CTNND2: variants seen among roughly 807,000 people sequenced by gnomAD.
CTNND2 encodes the protein catenin delta-2.
Under a neutral mutation model 144.4 loss-of-function variants are expected in CTNND2, and 22 were observed. The observed-to-expected ratio is 0.15, with a 90% CI of 0.11 to 0.22. The LOEUF (loss-of-function observed/expected upper bound fraction) is 0.22, where lower values mean the gene tolerates loss of function less well. Among genes scored for constraint, CTNND2 ranks in the 10% least tolerant of loss-of-function variants. The pLI is 1.00. For missense variants in CTNND2, 1,353 were observed against 1,618.8 expected, an observed-to-expected ratio of 0.84 and a Z score of 2.82; for synonymous variants, 751 against 695.6, an observed-to-expected ratio of 1.08 and a Z score of -1.25.
chr5:11,811,775 G>A (rs1446901612), intron 1 of CTNND2, among the ~76,000 whole-genome samples: 1 of 152,120 alleles, frequency 6.6e-6, no homozygotes, highest in Non-Finnish European at 1.5e-5. Flanking sequence ...GCTTTATAAT[G>A]TCCAGCTTGG....
chr5:11,240,207 C>CA (rs1561074130), intron 9 of CTNND2, among the ~76,000 whole-genome samples: 2 of 112,632 alleles, frequency 1.8e-5, no homozygotes, highest in East Asian at 2.7e-4. Context: ...ACACACACAC[C>CA]CCCAACACAC....
chr5:11,672,458 C>T (rs1030676597), intron 2 of CTNND2, among the ~76,000 whole-genome samples: 3 of 152,166 alleles, frequency 2.0e-5, no homozygotes, highest in Non-Finnish European at 2.9e-5. Context: ...GGGCTGCTCA[C>T]TTTTTTTCAG....
rs192020548 is a variant in CTNND2 at position 11,696,322 on chromosome 5, T to C, written c.174+35814A>G. On this transcript the variant is annotated intron_variant, in intron 2 of 21. Coordinates refer to ENST00000304623, the MANE Select transcript of CTNND2 (RefSeq NM_001332.4). ...TTGAATTGTTTCCAACTATTTAAAATATGTGAAAAATCATTCTTAGCTCAT... is the reference window on the plus strand; with the variant it reads ...TTGAATTGTTTCCAACTATTTAAAACATGTGAAAAATCATTCTTAGCTCAT... Among the ~76,000 whole-genome samples, 36 of 152,326 alleles carry C rather than the reference T, an allele frequency of 2.4e-4. No individual in the cohort carries two copies. The East Asian group carries it at 6.0e-3, about 25-fold the overall frequency.
At chr5:11,711,229 T>C (rs371242614) in intron 2 of CTNND2, among the ~76,000 whole-genome samples, 1 of 152,184 alleles carries the variant, frequency 6.6e-6, no homozygotes. Context: ...CTAATTTTTG[T>C]ATTTTTAGCA....
chr5:11,843,170 C>T (rs888273560), intron 1 of CTNND2, among the ~76,000 whole-genome samples: 1 of 152,142 alleles, frequency 6.6e-6, no homozygotes, highest in South Asian at 2.1e-4. Flanking sequence ...TACTAAAAAA[C>T]GTGAAAATAT....
At chr5:11,499,837 T>C (rs1354331082) in intron 3 of CTNND2, among the ~76,000 whole-genome samples, 12 of 152,324 alleles carry the variant, frequency 7.9e-5, no homozygotes, top group Middle Eastern at 3.4e-3. Context: ...AATTCTCTTT[T>C]TATTGATTTG....
chr5:11,015,794 C>T (rs1176903189), intron 18 of CTNND2, among the ~76,000 whole-genome samples: 1 of 152,182 alleles, frequency 6.6e-6, no homozygotes, highest in Non-Finnish European at 1.5e-5. Context: ...TGGCCAGTTC[C>T]TTTCTAATTT....
chr5:11,541,830 T>C (rs959099397), intron 3 of CTNND2, among the ~76,000 whole-genome samples: 1 of 146,678 alleles, frequency 6.8e-6, no homozygotes, highest in African/African-American at 2.6e-5. Flanking sequence ...ACTTATTATT[T>C]ATTATCGACC....
chr5:11,602,607 A>G (rs1779851235), intron 2 of CTNND2, among the ~76,000 whole-genome samples: 2 of 149,820 alleles, frequency 1.3e-5, no homozygotes, highest in Non-Finnish European at 3.0e-5. Flanking sequence ...GACAGAAACC[A>G]AGAGACAGCT....
intron 3 of CTNND2, among the ~76,000 whole-genome samples, chr5:11,443,717 A>AT (rs34913024): frequency 0.051 from 7,255 of 143,488 alleles, 555 homozygotes; most frequent in African/African-American, 0.19. Context: ...TATAGAAGAA[A>AT]TATTTTTTTC....
intron 18 of CTNND2, among the ~76,000 whole-genome samples, chr5:10,994,956 G>A (rs1739182743): frequency 6.6e-6 from 1 of 152,090 alleles, no homozygotes; most frequent in Admixed American, 6.5e-5. Flanking sequence ...CAGTGCTTCT[G>A]GTGTGAACCA....
chr5:11,382,882 A>AGAAGCATCGAGTTTGTCCCTT (rs1228436571), intron 7 of CTNND2, among the ~76,000 whole-genome samples: 5 of 152,110 alleles, frequency 3.3e-5, no homozygotes, highest in African/African-American at 1.2e-4. Context: ...CTAATCTCTC[A>AGAAGCATCGAGTTTGTCCCTT]GAAGCATCGA....
At position 11,706,856 on chromosome 5, in the gene CTNND2, C is replaced by A. The variant is rs189275088; in HGVS notation, c.174+25280G>T. On this transcript the variant is annotated intron_variant, in intron 2 of 21. Coordinates refer to ENST00000304623, the MANE Select transcript of CTNND2 (RefSeq NM_001332.4). ...ATCCCAGCACTTTGGGAGGCTGAGG[C>A]GGGCGGATCACGAGGTCAGGAGATC... 2.5e-3 allele frequency among the ~76,000 whole-genome samples: 384 copies of A among 152,036 alleles called. 1 individual carries two copies. Among genetic ancestry groups the A allele is most frequent in the Non-Finnish European group, 3.8e-3 (257 of 67,970 alleles).
intron 2 of CTNND2, among the ~76,000 whole-genome samples, chr5:11,661,244 A>G (rs538101166): frequency 6.6e-5 from 10 of 152,274 alleles, no homozygotes; most frequent in South Asian, 2.1e-4. Flanking sequence ...GAGAAATACA[A>G]ACTTCTTAAA....
chr5:11,322,205 C>G (rs1164400391), intron 9 of CTNND2, among the ~76,000 whole-genome samples: 2 of 152,142 alleles, frequency 1.3e-5, no homozygotes, highest in Non-Finnish European at 2.9e-5. Context: ...CTCTTCCTGC[C>G]CATGCTAACT....
intron 17 of CTNND2, among the ~76,000 whole-genome samples, chr5:11,020,698 TA>T (rs1295405220): frequency 1.3e-5 from 2 of 152,118 alleles, no homozygotes; most frequent in Non-Finnish European, 2.9e-5. Context: ...AATGTAGTTA[TA>T]AAAACCTTGT....
Position 10,988,119 on chromosome 5 carries a change from G to GCAT in CTNND2, c.3332_3334dup (p.Asp1111dup), listed in dbSNP as rs759583100. ...GCGCGAGGGGCGCTCACCTGTCATG[G>GCAT]CATCTTTCCTGGAAGTGTGTTCGCC... On this transcript the variant is annotated inframe_insertion, in exon 20 of 22. Coordinates refer to ENST00000304623, the MANE Select transcript of CTNND2 (RefSeq NM_001332.4). This position sits in a 1 kb window ranked among gnomAD's most constrained non-coding sequence, Gnocchi z 5.9. The GCAT allele has an allele frequency of 9.9e-6, 16 of 1,614,152 alleles. No homozygotes were observed. The highest frequency in any genetic ancestry group is 1.2e-5 in the Non-Finnish European group (14 of 1,180,014).
intron 10 of CTNND2, among the ~76,000 whole-genome samples, chr5:11,232,170 C>T (rs154716): frequency 0.51 from 77,328 of 152,200 alleles, 19,885 homozygotes; most frequent in East Asian, 0.74. Flanking sequence ...CATAGAGAAC[C>T]TCTGCTAGTG....
At chr5:11,889,113 T>C (rs896168380) in intron 1 of CTNND2, among the ~76,000 whole-genome samples, 11 of 152,062 alleles carry the variant, frequency 7.2e-5, no homozygotes, top group African/African-American at 2.7e-4. Flanking sequence ...AATAATCAGA[T>C]GAAGGCCCCT....
Sources: allele counts gnomAD v4.1 joint callset (sites outside exome capture counted in the v4.1 genomes callset), GRCh38; gene constraint gnomAD v4.1.1; non-coding constraint Gnocchi (gnomAD v3.1); transcripts MANE v1.5; gene names NCBI Gene and HGNC (gene_info 2026-07-23, HGNC 2026-07-21).